Variants in GPC6 observed in about 807,000 individuals in gnomAD.
GPC6 encodes glypican-6.
In GPC6, 14 loss-of-function variants were observed where a neutral mutation model predicts 55.2. That is an observed-to-expected ratio of 0.25 (90% CI 0.17 to 0.40). The LOEUF (loss-of-function observed/expected upper bound fraction) is 0.40, where lower values mean the gene tolerates loss of function less well. Ranked by LOEUF, GPC6 falls within the 10% of genes least tolerant of loss-of-function variation. The pLI is 1.00. For synonymous variants in GPC6, 278 were observed against 259.6 expected (o/e 1.07, Z -0.68); for missense variants, 641 against 708.5 (o/e 0.90, Z 1.08).
intron 4 of GPC6, among the ~76,000 whole-genome samples, chr13:94,143,391 A>G (rs1479485148): frequency 6.6e-6 from 1 of 152,202 alleles, no homozygotes; most frequent in Non-Finnish European, 1.5e-5. Flanking sequence ...GTATTTCTAT[A>G]TAGGCAGTGT....
chr13:94,221,026 A>T (rs1890367712), intron 4 of GPC6, among the ~76,000 whole-genome samples: 1 of 152,138 alleles, frequency 6.6e-6, no homozygotes, highest in African/African-American at 2.4e-5. Context: ...TTTGTGTTGT[A>T]CAGGAAGGTG....
intron 2 of GPC6, among the ~76,000 whole-genome samples, chr13:93,577,793 C>T (rs1424824864): frequency 6.6e-6 from 1 of 152,022 alleles, no homozygotes. Flanking sequence ...TGTTCCAGAA[C>T]TTGAAGGAAA....
intron 3 of GPC6, among the ~76,000 whole-genome samples, chr13:93,895,909 C>T (rs1875984547): frequency 6.6e-6 from 1 of 151,834 alleles, no homozygotes; most frequent in African/African-American, 2.4e-5. Flanking sequence ...GGGAATACAG[C>T]GGGGTTGGTT....
At chr13:94,034,248 G>GGAAGGAAGGAAA (rs1371545784) in intron 4 of GPC6, among the ~76,000 whole-genome samples, 2 of 92,662 alleles carry the variant, frequency 2.2e-5, no homozygotes, top group South Asian at 4.1e-4. Flanking sequence ...AAGGAAGGAA[G>GGAAGGAAGGAAA]GAAAGAAAGA....
intron 1 of GPC6, among the ~76,000 whole-genome samples, chr13:93,273,065 G>A (rs753205182): frequency 9.1e-4 from 138 of 152,288 alleles, no homozygotes; most frequent in South Asian, 5.4e-3. Context: ...AAGCCGAAAT[G>A]ACCTGAAATG....
At chr13:94,293,934 A>G (rs1017948532) in intron 5 of GPC6, among the ~76,000 whole-genome samples, 2 of 152,204 alleles carry the variant, frequency 1.3e-5, no homozygotes, top group Non-Finnish European at 2.9e-5. Context: ...ATATATAGGG[A>G]ACCTATTGAT....
At chr13:93,496,327 A>T (rs1009637809) in intron 1 of GPC6, among the ~76,000 whole-genome samples, 3 of 152,140 alleles carry the variant, frequency 2.0e-5, no homozygotes, top group Non-Finnish European at 4.4e-5. Context: ...TCGGAAAAGG[A>T]ACTCCCTGAC....
At chr13:94,170,143 A>G (rs1888509319) in intron 4 of GPC6, among the ~76,000 whole-genome samples, 1 of 152,206 alleles carries the variant, frequency 6.6e-6, no homozygotes, top group Admixed American at 6.5e-5. Flanking sequence ...GCTCTGAAAG[A>G]AAACACAGAC....
At chr13:93,347,550 G>A (rs760718200) in intron 1 of GPC6, among the ~76,000 whole-genome samples, 25 of 152,002 alleles carry the variant, frequency 1.6e-4, no homozygotes, top group Admixed American at 9.8e-4. Flanking sequence ...TCCCCTTCCC[G>A]GGAAGCCCCA....
chr13:93,686,249 A>G (rs1286413845), intron 2 of GPC6, among the ~76,000 whole-genome samples: 2 of 152,168 alleles, frequency 1.3e-5, no homozygotes, highest in East Asian at 1.9e-4. Context: ...CCAACTTCTG[A>G]TAATACTAAT....
intron 2 of GPC6, among the ~76,000 whole-genome samples, chr13:93,705,860 C>T (rs889306148): frequency 2.7e-5 from 4 of 150,162 alleles, no homozygotes; most frequent in Non-Finnish European, 5.9e-5. Context: ...GTTTTTATTC[C>T]CAAGTGATTT....
intron 4 of GPC6, among the ~76,000 whole-genome samples, chr13:94,174,559 G>A (rs1422940209): frequency 6.6e-6 from 1 of 152,044 alleles, no homozygotes; most frequent in Non-Finnish European, 1.5e-5. Context: ...CAAATGGTGT[G>A]GCAAAGCAGA....
intron 3 of GPC6, among the ~76,000 whole-genome samples, chr13:93,920,210 G>T (rs1877497941): frequency 6.6e-6 from 1 of 151,846 alleles, no homozygotes; most frequent in Non-Finnish European, 1.5e-5. Flanking sequence ...TCATTCTTCA[G>T]CAATCACTCT....
chr13:94,164,837 A>T (rs1888295618), intron 4 of GPC6, among the ~76,000 whole-genome samples: 1 of 152,214 alleles, frequency 6.6e-6, no homozygotes, highest in African/African-American at 2.4e-5. Context: ...GATTTCTGGA[A>T]ATATAGTGAA....
Position 94,406,266 on chromosome 13 carries a change from A to G in GPC6, c.*3049A>G, listed in dbSNP as rs1447501831. On this transcript the variant is annotated 3_prime_UTR_variant, in exon 9 of 9. Transcript: ENST00000377047. ...GTAATTGGTATATATTATACTTTGT[A>G]TGTGTCACAACAAAAGCTAAACAGA... 1 of 152,174 alleles carries G rather than the reference A, an allele frequency of 6.6e-6. No homozygotes were observed. Among genetic ancestry groups the G allele is most frequent in the Non-Finnish European group, 1.5e-5 (1 of 67,984 alleles). The allele number at this position is 152,174 out of a possible 1,614,324, so 9.4% of individuals were successfully genotyped here. A position where few individuals can be genotyped will look rare whatever the true frequency, so the allele number is the denominator to read the frequency against.
chr13:93,889,694 G>T (rs968354428), intron 3 of GPC6, among the ~76,000 whole-genome samples: 1 of 152,050 alleles, frequency 6.6e-6, no homozygotes, highest in Non-Finnish European at 1.5e-5. Context: ...ATTTTCAGAA[G>T]CAGTCAGCGA....
At chr13:93,801,166 T>C (rs1886356063) in intron 2 of GPC6, among the ~76,000 whole-genome samples, 1 of 152,192 alleles carries the variant, frequency 6.6e-6, no homozygotes, top group Non-Finnish European at 1.5e-5. Context: ...CTTTTCTGGA[T>C]TGAGTATCAC....
intron 3 of GPC6, among the ~76,000 whole-genome samples, chr13:93,975,413 A>C (rs1170367548): frequency 6.6e-6 from 1 of 152,048 alleles, no homozygotes; most frequent in Non-Finnish European, 1.5e-5. Context: ...TGCTGGGAGC[A>C]TTTCCGTACT....
chr13:93,798,555 A>G (rs1053583179), intron 2 of GPC6, among the ~76,000 whole-genome samples: 2 of 152,146 alleles, frequency 1.3e-5, no homozygotes, highest in African/African-American at 4.8e-5. Context: ...CGCTACAGAC[A>G]TGCTATACCT....
Sources: allele counts gnomAD v4.1 joint callset (sites outside exome capture counted in the v4.1 genomes callset), GRCh38; gene constraint gnomAD v4.1.1; transcripts MANE v1.5; gene names NCBI Gene and HGNC (gene_info 2026-07-23, HGNC 2026-07-21).